TMPRSS11F: variants seen among roughly 807,000 people sequenced by gnomAD.
The protein encoded by TMPRSS11F is transmembrane protease serine 11F.
In TMPRSS11F, 47 loss-of-function variants were observed where a neutral mutation model predicts 60.2. The ratio of observed to expected loss-of-function variants is 0.78; its 90% CI spans 0.62 to 1.00. TMPRSS11F has a LOEUF of 1.00. Ranked by LOEUF, TMPRSS11F falls within the 50% of genes least tolerant of loss-of-function variation. The pLI is 0.00. For missense variants in TMPRSS11F, 519 were observed against 522.9 expected, an observed-to-expected ratio of 0.99 and a Z score of 0.07; for synonymous variants, 166 against 167.3, an observed-to-expected ratio of 0.99 and a Z score of 0.06.
rs71218930 is a variant in TMPRSS11F at position 68,087,697 on chromosome 4, T to TTTTATTTATTTATTTA, written c.282+2810_282+2825dup. ...AATCAACATAAAACAATTAGTAGCA[T>TTTTATTTATTTATTTA]TTTATTTATTTATTTATTTATTTAT... On this transcript the variant is annotated intron_variant, in intron 3 of 9. Transcript: ENST00000356291. Among the ~76,000 whole-genome samples the TTTTATTTATTTATTTA allele has an allele frequency of 9.0e-4, 135 of 149,254 alleles. 2 individuals are homozygous for TTTTATTTATTTATTTA. Among genetic ancestry groups the TTTTATTTATTTATTTA allele is most frequent in the African/African-American group, 3.0e-3 (120 of 40,542 alleles).
intron 2 of TMPRSS11F, among the ~76,000 whole-genome samples, chr4:68,096,473 A>T (rs998420616): frequency 6.6e-6 from 1 of 152,224 alleles, no homozygotes; most frequent in African/African-American, 2.4e-5. Flanking sequence ...TTGTAAAAAT[A>T]AAACCTGAGA....
At position 68,103,322 on chromosome 4, in the gene TMPRSS11F, C is replaced by G. The variant is rs114196937; in HGVS notation, c.12-4284G>C. ...ATAGTCAGTTGTGGTGGCACATGCC[C>G]GTAGTCCCAGATACTTAAGAGGCTG... On this transcript the variant is annotated intron_variant, in intron 1 of 9. Transcript: ENST00000356291. 1.2e-3 allele frequency among the ~76,000 whole-genome samples: 188 copies of G among 151,974 alleles called. 1 individual carries two copies. The highest frequency in any genetic ancestry group is 4.2e-3 in the African/African-American group (173 of 41,454).
chr4:68,072,507 TA>T, intron 4 of TMPRSS11F, 21 bp from the exon 5 acceptor site: 1 of 1,456,304 alleles, frequency 6.9e-7, no homozygotes. Flanking sequence ...AAAAAGCAGA[TA>T]AAAATGGCAT....
intron 1 of TMPRSS11F, among the ~76,000 whole-genome samples, chr4:68,115,191 A>T (rs1320686090): frequency 6.6e-6 from 1 of 151,052 alleles, no homozygotes; most frequent in Non-Finnish European, 1.5e-5. Flanking sequence ...TTACTAAAAA[A>T]TACAAAAAAA....
At chr4:68,062,044 A>C (rs571640869) in intron 8 of TMPRSS11F, 1 of 452,198 alleles carries the variant, frequency 2.2e-6, no homozygotes, top group Non-Finnish European at 4.4e-6. Flanking sequence ...TTTCAATGTG[A>C]CTGAAACCCT....
chr4:68,065,237 T>C (rs1723301000), intron 7 of TMPRSS11F, among the ~76,000 whole-genome samples: 1 of 152,206 alleles, frequency 6.6e-6, no homozygotes, highest in African/African-American at 2.4e-5. Context: ...TTAATTTTGA[T>C]TTGTTTTGGA....
rs1722985232 is a variant in TMPRSS11F at position 68,053,686 on chromosome 4, A to C, written c.*223T>G. On this transcript the variant is annotated 3_prime_UTR_variant, in exon 10 of 10. Transcript: ENST00000356291. ...CAAGCAGTTTCCCTTGTGAGTAAGG[A>C]ATAGGTGCTGTCTGTCATTTGCTGT... The C allele has an allele frequency of 2.4e-6, 1 of 419,456 alleles. No homozygotes were observed. Among genetic ancestry groups the C allele is most frequent in the South Asian group, 7.3e-5 (1 of 13,768 alleles). The allele number at this position is 419,456 out of a possible 1,614,324, so 26.0% of individuals were successfully genotyped here.
In TMPRSS11F at chr4:68,076,066, T is replaced by C. The variant is rs180687757; in HGVS notation, c.283-2057A>G. On this transcript the variant is annotated intron_variant, in intron 3 of 9. Coordinates refer to ENST00000356291, the MANE Select transcript of TMPRSS11F (RefSeq NM_207407.2). ...ATCAAATTTACATACTTAGAAATTA[T>C]GTTACAGTTAACAGACAAAAGTTTG... Among the ~76,000 whole-genome samples the C allele has an allele frequency of 3.7e-3, 560 of 152,220 alleles. 5 individuals are homozygous for C. Among genetic ancestry groups the C allele is most frequent in the Non-Finnish European group, 4.8e-3 (324 of 68,010 alleles).
intron 1 of TMPRSS11F, among the ~76,000 whole-genome samples, chr4:68,100,509 T>C (rs1724170302): frequency 6.6e-6 from 1 of 152,066 alleles, no homozygotes; most frequent in African/African-American, 2.4e-5. Context: ...TGGATTTAGT[T>C]GTAGTTCTTG....
In TMPRSS11F at chr4:68,100,701, C is replaced by T. The variant is rs189347581; in HGVS notation, c.12-1663G>A. Among the ~76,000 whole-genome samples, 8 of 152,256 alleles carry T rather than the reference C, an allele frequency of 5.3e-5. No individual in the cohort carries two copies. The East Asian group carries it at 1.4e-3, about 26-fold the overall frequency. The stretch of plus-strand genomic sequence containing the variant: ...CAATTTGCTGTCCTTAGACTTGGGT[C>T]TGGGTCTGAACCAAATGAAAAGTAT... On this transcript the variant is annotated intron_variant, in intron 1 of 9. Coordinates refer to ENST00000356291, the MANE Select transcript of TMPRSS11F (RefSeq NM_207407.2).
intron 3 of TMPRSS11F, among the ~76,000 whole-genome samples, chr4:68,085,274 G>A (rs1204837646): frequency 6.6e-6 from 1 of 151,210 alleles, no homozygotes; most frequent in Non-Finnish European, 1.5e-5. Context: ...TGGGTCAAAT[G>A]GTATCTCTAG....
At chr4:68,110,176 T>C (rs1724384953) in intron 1 of TMPRSS11F, among the ~76,000 whole-genome samples, 1 of 152,196 alleles carries the variant, frequency 6.6e-6, no homozygotes, top group South Asian at 2.1e-4. Flanking sequence ...AACATCTTCT[T>C]AATGGCATGG....
intron 5 of TMPRSS11F, 105 bp from the exon 6 acceptor site, chr4:68,070,112 A>T: frequency 1.2e-6 from 1 of 860,810 alleles, no homozygotes; most frequent in Non-Finnish European, 1.8e-6. Flanking sequence ...TCTAAAGCAT[A>T]CATATTTCAA....
At chr4:68,068,190 G>C (rs1480552112) in intron 7 of TMPRSS11F, among the ~76,000 whole-genome samples, 1 of 152,154 alleles carries the variant, frequency 6.6e-6, no homozygotes, top group Non-Finnish European at 1.5e-5. Context: ...AGAACTTCAA[G>C]AGGGATACCT....
chr4:68,112,126 G>C (rs1476831954), intron 1 of TMPRSS11F, among the ~76,000 whole-genome samples: 4 of 152,078 alleles, frequency 2.6e-5, no homozygotes, highest in Non-Finnish European at 4.4e-5. Flanking sequence ...ACTGAATCAA[G>C]CACACACTCC....
At chr4:68,080,706 C>T (rs1723681747) in intron 3 of TMPRSS11F, 1 of 152,196 alleles carries the variant, frequency 6.6e-6, no homozygotes, top group Non-Finnish European at 1.5e-5. Flanking sequence ...TTTGCCCTTT[C>T]CTGCTGTCCT....
At chr4:68,106,870 T>C (rs989111503) in intron 1 of TMPRSS11F, among the ~76,000 whole-genome samples, 4 of 152,250 alleles carry the variant, frequency 2.6e-5, no homozygotes, top group African/African-American at 9.6e-5. Flanking sequence ...TCTGAAATTT[T>C]CTTTGAAAAC....
intron 8 of TMPRSS11F, chr4:68,062,753 T>G (rs776142472): frequency 1.3e-6 from 1 of 742,406 alleles, no homozygotes; most frequent in East Asian, 2.6e-5. Context: ...AACAAAAGTT[T>G]CCTTGTATAC....
intron 2 of TMPRSS11F, among the ~76,000 whole-genome samples, chr4:68,093,134 A>G (rs771637547): frequency 3.4e-4 from 52 of 152,250 alleles, no homozygotes; most frequent in Non-Finnish European, 6.3e-4. Flanking sequence ...AAGCCATTGT[A>G]GAAATCGAAT....
Sources: gnomAD v4.1 joint callset for allele counts (sites outside exome capture counted in the v4.1 genomes callset) on GRCh38, gnomAD v4.1.1 for gene constraint, MANE v1.5 for transcripts, NCBI Gene and HGNC (gene_info 2026-07-23, HGNC 2026-07-21) for gene names.